The following KAZN variants were observed in gnomAD, a reference collection of about 807,000 sequenced individuals.
KAZN encodes kazrin, periplakin interacting protein.
In KAZN, 40 loss-of-function variants were observed where a neutral mutation model predicts 87.4. The observed-to-expected ratio is 0.46, with a 90% CI of 0.36 to 0.60. The LOEUF (loss-of-function observed/expected upper bound fraction) is 0.60. KAZN is among the 20% of genes least tolerant of loss of function. The pLI, the probability that KAZN is intolerant of heterozygous loss-of-function variation, is 0.00. For synonymous variants in KAZN, 466 were observed against 458.3 expected, an observed-to-expected ratio of 1.02 and a Z score of -0.22; for missense variants, 898 against 1,073.9, an observed-to-expected ratio of 0.84 and a Z score of 2.29.
intron 2 of KAZN, among the ~76,000 whole-genome samples, chr1:14,582,154 A>T (rs76342889): frequency 1.3e-5 from 2 of 151,964 alleles, no homozygotes; most frequent in African/African-American, 2.4e-5. Flanking sequence ...AGCAAAAAAA[A>T]CCTAAAGTTT....
At chr1:15,034,648 A>G in intron 2 of KAZN, 101 bp from the exon 3 acceptor site, 1 of 1,388,106 alleles carries the variant, frequency 7.2e-7, no homozygotes, top group Non-Finnish European at 9.9e-7. Flanking sequence ...CTGTTTTCTC[A>G]CCTGTTACAA....
At chr1:14,717,034 C>T (rs543360382) in intron 1 of KAZN, among the ~76,000 whole-genome samples, 1 of 151,064 alleles carries the variant, frequency 6.6e-6, no homozygotes, top group Non-Finnish European at 1.5e-5. Flanking sequence ...GGGAGGCTCC[C>T]TTGCCCATGG....
At chr1:14,568,000 G>C (rs1185000281) in intron 2 of KAZN, among the ~76,000 whole-genome samples, 2 of 152,214 alleles carry the variant, frequency 1.3e-5, no homozygotes, top group Non-Finnish European at 2.9e-5. Flanking sequence ...TATGTGATTA[G>C]GTTACATTCT....
intron 2 of KAZN, among the ~76,000 whole-genome samples, chr1:14,474,237 A>G (rs1668602688): frequency 6.6e-6 from 1 of 152,164 alleles, no homozygotes; most frequent in Non-Finnish European, 1.5e-5. Flanking sequence ...CATAAGGGAG[A>G]TAAGAGTTTA....
intron 2 of KAZN, among the ~76,000 whole-genome samples, chr1:14,526,179 C>A (rs976204362): frequency 3.3e-5 from 5 of 152,182 alleles, no homozygotes; most frequent in Non-Finnish European, 5.9e-5. Flanking sequence ...TGTCATTTAG[C>A]AAGAGAGAAA....
At chr1:14,135,025 A>C (rs1645079080) in intron 1 of KAZN, among the ~76,000 whole-genome samples, 3 of 151,708 alleles carry the variant, frequency 2.0e-5, no homozygotes, top group Admixed American at 2.0e-4. Context: ...GCACACATAC[A>C]CTCACACATT....
At chr1:15,091,633 C>T (rs114343626) in intron 8 of KAZN, among the ~76,000 whole-genome samples, 1 of 152,236 alleles carries the variant, frequency 6.6e-6, no homozygotes, top group Non-Finnish European at 1.5e-5. Context: ...CGTGAGCCAC[C>T]GCACCCGGCC....
intron 2 of KAZN, among the ~76,000 whole-genome samples, chr1:14,555,314 G>A (rs1251213315): frequency 6.6e-6 from 1 of 152,216 alleles, no homozygotes; most frequent in Non-Finnish European, 1.5e-5. Context: ...CAACACCAGT[G>A]TAGAACAATA....
intron 2 of KAZN, among the ~76,000 whole-genome samples, chr1:14,556,142 A>C: frequency 1.4e-5 from 2 of 142,238 alleles, no homozygotes; most frequent in East Asian, 2.0e-4. Context: ...TCGGAGTCTC[A>C]CTCTGTCCCC....
intron 1 of KAZN, among the ~76,000 whole-genome samples, chr1:14,815,469 C>T (rs965668052): frequency 8.5e-5 from 13 of 152,152 alleles, no homozygotes; most frequent in Non-Finnish European, 2.9e-5. Flanking sequence ...TCCAACAACC[C>T]TCTGAAATCC....
intron 2 of KAZN, among the ~76,000 whole-genome samples, chr1:14,310,095 A>G (rs1432590902): frequency 6.6e-6 from 1 of 152,148 alleles, no homozygotes; most frequent in African/African-American, 2.4e-5. Context: ...GGCAGGAGTC[A>G]GGGATGACTC....
At position 14,886,457 on chromosome 1, in the gene KAZN, C is replaced by G. The variant is rs191245041; in HGVS notation, c.227-74227C>G. 3.0e-3 allele frequency among the ~76,000 whole-genome samples: 449 copies of G among 151,594 alleles called. 2 individuals are homozygous for G. The highest frequency in any genetic ancestry group is 0.014 in the South Asian group (67 of 4,792). Reference sequence around the variant, plus strand: ...ACACATACACACACACACACACACACACACACAGAGAGAGACAGAGAGAGA... The same window carrying G: ...ACACATACACACACACACACACACAGACACACAGAGAGAGACAGAGAGAGA... On this transcript the variant is annotated intron_variant, in intron 1 of 14. Transcript: ENST00000376030.
chr1:14,400,052 A>G (rs183106777), intron 2 of KAZN, among the ~76,000 whole-genome samples: 1 of 152,106 alleles, frequency 6.6e-6, no homozygotes, highest in African/African-American at 2.4e-5. Context: ...ACTCCTACCC[A>G]AGCATGTAAT....
At chr1:14,554,917 C>T (rs566794341) in intron 2 of KAZN, among the ~76,000 whole-genome samples, 272 of 152,324 alleles carry the variant, frequency 1.8e-3, no homozygotes, top group Middle Eastern at 3.4e-3. Flanking sequence ...TTCTTCAAAA[C>T]ACATTTGATG....
intron 2 of KAZN, among the ~76,000 whole-genome samples, chr1:15,018,811 C>T (rs1018293183): frequency 6.6e-6 from 1 of 152,188 alleles, no homozygotes; most frequent in African/African-American, 2.4e-5. Context: ...CGGGCAGCCA[C>T]AGCCCCCCAG....
In KAZN at chr1:13,964,491, G is replaced by A. The variant is rs190377043; in HGVS notation, c.91+70735G>A. 3.2e-3 allele frequency among the ~76,000 whole-genome samples: 480 copies of A among 152,296 alleles called. 2 individuals carry two copies. Among genetic ancestry groups the A allele is most frequent in the Non-Finnish European group, 5.1e-3 (346 of 68,014 alleles). On this transcript the variant is annotated intron_variant, in intron 1 of 16. Coordinates refer to the KAZN transcript ENST00000636203. ...GGCTGGGTTCAGCTGGGCAGTTCTGGTCGTGGCTCACCTGGACTGTGCTCA... is the reference window on the plus strand; with the variant it reads ...GGCTGGGTTCAGCTGGGCAGTTCTGATCGTGGCTCACCTGGACTGTGCTCA...
intron 1 of KAZN, among the ~76,000 whole-genome samples, chr1:14,072,640 G>A (rs1643292355): frequency 6.6e-6 from 1 of 152,174 alleles, no homozygotes; most frequent in African/African-American, 2.4e-5. Context: ...GGCGGCTGAG[G>A]AAAACAGAAC....
intron 1 of KAZN, among the ~76,000 whole-genome samples, chr1:14,875,792 A>T (rs1397941455): frequency 2.0e-5 from 3 of 152,260 alleles, no homozygotes; most frequent in Admixed American, 6.5e-5. Context: ...ACTTGCCAGT[A>T]CACCACTGCC....
intron 2 of KAZN, among the ~76,000 whole-genome samples, chr1:14,466,188 C>G (rs535542390): frequency 6.6e-6 from 1 of 152,106 alleles, no homozygotes; most frequent in Non-Finnish European, 1.5e-5. Flanking sequence ...ATGTCCCTGC[C>G]GCCAAAAGCA....
Sources: allele counts gnomAD v4.1 joint callset (sites outside exome capture counted in the v4.1 genomes callset), GRCh38; gene constraint gnomAD v4.1.1; transcripts MANE v1.5; gene names NCBI Gene and HGNC (gene_info 2026-07-23, HGNC 2026-07-21).